PSD3: variants seen among roughly 807,000 people sequenced by gnomAD.
PSD3 encodes pleckstrin and Sec7 domain containing 3.
A neutral mutation model predicts 105.5 loss-of-function variants in PSD3; 49 were observed. The ratio of observed to expected loss-of-function variants is 0.46; its 90% CI spans 0.37 to 0.59. PSD3 has a LOEUF of 0.59. Ranked by LOEUF, PSD3 falls within the 20% of genes least tolerant of loss-of-function variation. The pLI, the probability that PSD3 is intolerant of heterozygous loss-of-function variation, is 0.00. For synonymous variants in PSD3, 557 were observed against 457.8 expected, an observed-to-expected ratio of 1.22 and a Z score of -2.77; for missense variants, 1,561 against 1,263.8, an observed-to-expected ratio of 1.24 and a Z score of -3.57.
At chr8:18,864,257 G>C (rs12156136) in intron 4 of PSD3, among the ~76,000 whole-genome samples, 2 of 152,236 alleles carry the variant, frequency 1.3e-5, no homozygotes, top group African/African-American at 4.8e-5. Context: ...CGAGGGCTGA[G>C]TATGCCACTT....
In PSD3 at chr8:18,838,271, A is replaced by AT. The variant is rs1371433589; in HGVS notation, c.1634+29402dup. ...CGATGGCTTTATGTGATCAAGAAAC[A>AT]TTAAGTACGAAAAATTACCTAAAGG... On this transcript the variant is annotated intron_variant, in intron 4 of 15. Transcript: ENST00000327040. 2.0e-5 allele frequency among the ~76,000 whole-genome samples: 3 copies of AT among 152,190 alleles called. 1 individual carries two copies. Among genetic ancestry groups the AT allele is most frequent in the Non-Finnish European group, 4.4e-5 (3 of 68,030 alleles).
At chr8:18,602,823 G>A (rs1804532799) in intron 11 of PSD3, among the ~76,000 whole-genome samples, 1 of 152,094 alleles carries the variant, frequency 6.6e-6, no homozygotes, top group African/African-American at 2.4e-5. Flanking sequence ...CCTTGGTGAG[G>A]CTCTTCAAGC....
chr8:18,696,143 G>A (rs759221315), intron 9 of PSD3, among the ~76,000 whole-genome samples: 7 of 152,156 alleles, frequency 4.6e-5, no homozygotes, highest in Non-Finnish European at 7.3e-5. Context: ...TTTCTCCACC[G>A]ACCTCCGGTC....
chr8:18,788,699 A>C (rs1809419269), intron 8 of PSD3, among the ~76,000 whole-genome samples: 1 of 152,220 alleles, frequency 6.6e-6, no homozygotes, highest in South Asian at 2.1e-4. Flanking sequence ...CATAAATCTC[A>C]GGATATTAAA....
intron 11 of PSD3, among the ~76,000 whole-genome samples, chr8:18,628,293 T>A (rs73585836): frequency 1.3e-5 from 2 of 151,580 alleles, no homozygotes; most frequent in Non-Finnish European, 1.5e-5. Flanking sequence ...CATAATAAAA[T>A]TGATGAAAAC....
chr8:18,939,515 C>CT (rs78721400), intron 1 of PSD3, among the ~76,000 whole-genome samples: 203 of 138,934 alleles, frequency 1.5e-3, no homozygotes, highest in Middle Eastern at 3.6e-3. Flanking sequence ...AGAAACATAG[C>CT]TTTTTTTTTT....
At chr8:18,802,493 C>A in intron 6 of PSD3, 1 of 206,070 alleles carries the variant, frequency 4.9e-6, no homozygotes, top group Non-Finnish European at 1.1e-5. Context: ...GATTAACAAA[C>A]TATATATTGA....
At chr8:18,761,524 CCTGA>C (rs149748879) in intron 9 of PSD3, among the ~76,000 whole-genome samples, 14 of 152,226 alleles carry the variant, frequency 9.2e-5, no homozygotes, top group South Asian at 6.2e-4. Flanking sequence ...GACGTAGTCC[CCTGA>C]CTATTAAGAG....
At chr8:18,739,199 G>A (rs879269789) in intron 9 of PSD3, among the ~76,000 whole-genome samples, 2 of 152,142 alleles carry the variant, frequency 1.3e-5, no homozygotes, top group Non-Finnish European at 2.9e-5. Context: ...AATTGAAAAT[G>A]CTTCCCAGTT....
intron 9 of PSD3, among the ~76,000 whole-genome samples, chr8:18,712,109 G>A (rs981416281): frequency 6.6e-6 from 1 of 151,962 alleles, no homozygotes; most frequent in Non-Finnish European, 1.5e-5. Context: ...AGAATCTCTG[G>A]GACACAGCTA....
intron 3 of PSD3, among the ~76,000 whole-genome samples, chr8:18,869,512 G>C (rs1048223555): frequency 1.3e-5 from 2 of 152,148 alleles, no homozygotes; most frequent in African/African-American, 4.8e-5. Flanking sequence ...CACACAGGGA[G>C]AGTTTCAAAT....
At chr8:18,996,359 C>A (rs1433722579) in intron 1 of PSD3, among the ~76,000 whole-genome samples, 1 of 151,860 alleles carries the variant, frequency 6.6e-6, no homozygotes, top group Admixed American at 6.6e-5. Context: ...TAACTATTAA[C>A]AGAACTAGGG....
intron 9 of PSD3, among the ~76,000 whole-genome samples, chr8:18,670,805 T>C (rs182720828): frequency 6.6e-6 from 1 of 152,186 alleles, no homozygotes; most frequent in East Asian, 1.9e-4. Flanking sequence ...GAATAGAACA[T>C]TTCTGAGGGG....
chr8:18,946,313 A>C (rs2129469721), intron 1 of PSD3, among the ~76,000 whole-genome samples: 1 of 152,272 alleles, frequency 6.6e-6, no homozygotes, highest in Non-Finnish European at 1.5e-5. Flanking sequence ...GCGGTGGCTC[A>C]TGCTGTAATC....
chr8:19,056,639 G>T (rs897494089), intron 1 of PSD3, among the ~76,000 whole-genome samples: 1 of 152,152 alleles, frequency 6.6e-6, no homozygotes, highest in African/African-American at 2.4e-5. Flanking sequence ...TATCAGTTTG[G>T]CTCCTTCATC....
At chr8:18,589,673 G>A (rs1803452415) in intron 12 of PSD3, among the ~76,000 whole-genome samples, 1 of 152,232 alleles carries the variant, frequency 6.6e-6, no homozygotes, top group Non-Finnish European at 1.5e-5. Flanking sequence ...AGGGTCTGGA[G>A]AAGGGGTGGC....
At chr8:18,601,538 A>T (rs192333082) in intron 11 of PSD3, among the ~76,000 whole-genome samples, 36 of 152,304 alleles carry the variant, frequency 2.4e-4, no homozygotes, top group Middle Eastern at 3.4e-3. Flanking sequence ...CACTTACAGA[A>T]CACAGGCAAT....
intron 8 of PSD3, among the ~76,000 whole-genome samples, chr8:18,782,098 G>A (rs1808690760): frequency 6.6e-6 from 1 of 151,726 alleles, no homozygotes; most frequent in Non-Finnish European, 1.5e-5. Context: ...TCTTTGCATT[G>A]TTCATCTGTT....
At chr8:18,978,555 A>G (rs1825075858) in intron 1 of PSD3, among the ~76,000 whole-genome samples, 1 of 152,142 alleles carries the variant, frequency 6.6e-6, no homozygotes, top group African/African-American at 2.4e-5. Context: ...TGAGATGGCT[A>G]CATCTATGGT....
Sources: gnomAD v4.1 joint callset for allele counts (sites outside exome capture counted in the v4.1 genomes callset) on GRCh38, gnomAD v4.1.1 for gene constraint, MANE v1.5 for transcripts, NCBI Gene and HGNC (gene_info 2026-07-23, HGNC 2026-07-21) for gene names.